DENND6A: variants seen among roughly 807,000 people sequenced by gnomAD.
DENND6A encodes protein DENND6A.
DENND6A carries 43 observed loss-of-function variants against 95.5 expected under a neutral mutation model. The observed-to-expected ratio is 0.45, with a 90% CI of 0.35 to 0.58. DENND6A has a LOEUF of 0.58. Among genes scored for constraint, DENND6A ranks in the 20% least tolerant of loss-of-function variants. The pLI is 0.00. For missense variants in DENND6A, 574 were observed against 736.0 expected, an observed-to-expected ratio of 0.78 and a Z score of 2.55; for synonymous variants, 257 against 260.4, an observed-to-expected ratio of 0.99 and a Z score of 0.13.
rs761611565 is a variant in DENND6A, at chr3:57,626,265, G to C, written c.*1949C>G. 2 of 152,568 alleles carry C rather than the reference G, an allele frequency of 1.3e-5. No individual in the cohort carries two copies. The highest frequency in any genetic ancestry group is 2.4e-5 in the African/African-American group (1 of 41,428). The allele number at this position is 152,568 out of a possible 1,614,324, so 9.5% of individuals were successfully genotyped here. A position where few individuals can be genotyped will look rare whatever the true frequency, so the allele number is the denominator to read the frequency against. On this transcript the variant is annotated 3_prime_UTR_variant, in exon 20 of 20. Coordinates refer to ENST00000311128, the MANE Select transcript of DENND6A (RefSeq NM_152678.3). ...AACGCAAGGAGTCTTTCTTGGGTCA[G>C]GAATGCCCTTAAGAGTTATATCGAC...
chr3:57,685,006 C>G (rs2077199606), intron 1 of DENND6A, among the ~76,000 whole-genome samples: 1 of 152,074 alleles, frequency 6.6e-6, no homozygotes, highest in Admixed American at 6.6e-5. Flanking sequence ...CTCCGCCTCC[C>G]TGGTTCAAGT....
intron 1 of DENND6A, among the ~76,000 whole-genome samples, chr3:57,673,213 C>CAAAAAAAAAAAAAAAAAAAAAA (rs386396751): frequency 2.8e-5 from 2 of 70,706 alleles, no homozygotes; most frequent in African/African-American, 7.0e-5. Flanking sequence ...CATTTCGTAT[C>CAAAAAAAAAAAAAAAAAAAAAA]AAAAAAAAAA....
At chr3:57,652,342 A>C (rs2071227264) in intron 9 of DENND6A, among the ~76,000 whole-genome samples, 2 of 152,324 alleles carry the variant, frequency 1.3e-5, no homozygotes, top group South Asian at 4.1e-4. Flanking sequence ...ACCTCCTAAC[A>C]ACAGCCACAG....
chr3:57,632,755 A>G (rs890002156), intron 15 of DENND6A, among the ~76,000 whole-genome samples: 2 of 152,076 alleles, frequency 1.3e-5, no homozygotes, highest in Admixed American at 6.6e-5. Context: ...CAATAACCAC[A>G]TTGTCTAGTC....
At chr3:57,641,817 G>C in intron 11 of DENND6A, 70 bp from the exon 12 acceptor site, 1 of 1,340,126 alleles carries the variant, frequency 7.5e-7, no homozygotes, top group East Asian at 2.4e-5. Flanking sequence ...GTGAAGAATA[G>C]TTTACTTTTT....
chr3:57,634,599 A>G lies in DENND6A; in HGVS notation c.1222T>C (p.Tyr408His). The G allele has an allele frequency of 1.4e-6, 2 of 1,466,040 alleles. No homozygotes were observed. Among genetic ancestry groups the G allele is most frequent in the Non-Finnish European group, 1.8e-6 (2 of 1,093,266 alleles). The allele number at this position is 1,466,040 out of a possible 1,614,324, so 90.8% of individuals were successfully genotyped here. Residue 408 changes from tyrosine to histidine, a missense_variant, in exon 14 of 20, where the codon TAT becomes CAT. Transcript: ENST00000311128. ...ATGATCTCTTCATCTCTATTTAAAT[A>G]TGGCTTATATGAAGTATAAACTCCT... is the stretch of plus-strand genomic sequence containing the variant. ...KPGVYTSYKP[Y>H]LNRDEEIIKQ...
intron 18 of DENND6A, 73 bp from the exon 19 acceptor site, chr3:57,628,958 G>C (rs890678111): frequency 7.4e-7 from 1 of 1,352,018 alleles, no homozygotes; most frequent in Non-Finnish European, 1.0e-6. Context: ...AATAGGTAAG[G>C]CTACTGTGAA....
intron 3 of DENND6A, among the ~76,000 whole-genome samples, chr3:57,669,817 T>C (rs911538148): frequency 4.8e-5 from 7 of 147,070 alleles, no homozygotes; most frequent in Non-Finnish European, 7.5e-5. Flanking sequence ...AGGTCGGGAG[T>C]TCATGACCAG....
chr3:57,662,599 AT>A (rs1197379361), intron 5 of DENND6A, among the ~76,000 whole-genome samples: 7 of 152,130 alleles, frequency 4.6e-5, no homozygotes, highest in Non-Finnish European at 7.4e-5. Flanking sequence ...CTTAAAAAAA[AT>A]ATAATAGTTC....
chr3:57,634,751 A>G lies in DENND6A; in HGVS notation c.1151T>C (p.Val384Ala). The stretch of plus-strand genomic sequence containing the variant: ...TAGATTCTTCAGTTTTTTCACTTTA[A>G]CCTGCTTAGGAATTTCACCTGAAGG... ...LKPTGEIPKQ[V>A]KVKKLKNLKT... Residue 384 changes from valine (V) to alanine (A), a missense_variant, in exon 13 of 20, where the codon GTT becomes GCT. Val to Ala is a moderately conservative substitution (Grantham distance 64). Coordinates refer to ENST00000311128, the MANE Select transcript of DENND6A (RefSeq NM_152678.3). The G allele has an allele frequency of 6.4e-7, 1 of 1,570,272 alleles. No individual in the cohort carries two copies. The highest frequency in any genetic ancestry group is 8.6e-7 in the Non-Finnish European group (1 of 1,158,720).
intron 1 of DENND6A, among the ~76,000 whole-genome samples, chr3:57,676,345 C>T (rs553135873): frequency 1.6e-3 from 232 of 142,692 alleles, no homozygotes; most frequent in African/African-American, 5.5e-3. Flanking sequence ...ACACCACTGC[C>T]CTTCAGCCTG....
At position 57,693,051 on chromosome 3, in the gene DENND6A, C is replaced by A; in HGVS notation, c.-33G>T. 1 of 1,363,186 alleles carries A rather than the reference C, an allele frequency of 7.3e-7. No homozygotes were observed. The highest frequency in any genetic ancestry group is 1.7e-5 in the South Asian group (1 of 58,044). 84.4% of individuals were successfully genotyped at this position (1,363,186 alleles called of 1,614,324 possible). On this transcript the variant is annotated 5_prime_UTR_variant, in exon 1 of 20. Transcript: ENST00000311128. ...CCCCTGACCGTTCGCGCCGCCTCCA[C>A]AGCGGACCGCGCCGCAGAGCGCGCT...
At chr3:57,685,538 T>G (rs1410265838) in intron 1 of DENND6A, among the ~76,000 whole-genome samples, 2 of 152,126 alleles carry the variant, frequency 1.3e-5, no homozygotes, top group Admixed American at 1.3e-4. Context: ...AAAAGCATCA[T>G]GTCAGTACTC....
At chr3:57,645,818 C>T in intron 10 of DENND6A, 62 bp from the exon 11 acceptor site, 1 of 1,226,514 alleles carries the variant, frequency 8.2e-7, no homozygotes, top group Admixed American at 1.9e-5. Context: ...TAATCTATAA[C>T]TAGAAAACAT....
At chr3:57,682,404 T>C (rs1231104648) in intron 1 of DENND6A, among the ~76,000 whole-genome samples, 2 of 152,012 alleles carry the variant, frequency 1.3e-5, no homozygotes, top group African/African-American at 4.8e-5. Flanking sequence ...TATTCATTAA[T>C]TCTAAAGATG....
At chr3:57,654,863 T>C (rs2071292866) in intron 9 of DENND6A, 18 of 867,754 alleles carry the variant, frequency 2.1e-5, no homozygotes, top group Non-Finnish European at 2.5e-5. Flanking sequence ...TGGATAAATA[T>C]GTAAACTTTC....
chr3:57,635,523 G>A (rs1007654205), intron 12 of DENND6A, among the ~76,000 whole-genome samples: 1 of 152,050 alleles, frequency 6.6e-6, no homozygotes, highest in African/African-American at 2.4e-5. Context: ...CTGCATAAGG[G>A]TTAAAAGAAC....
chr3:57,680,345 G>A (rs2077152141), intron 1 of DENND6A, among the ~76,000 whole-genome samples: 1 of 152,182 alleles, frequency 6.6e-6, no homozygotes, highest in African/African-American at 2.4e-5. Context: ...AAACCCCAAG[G>A]TGATAGCGGT....
At chr3:57,682,063 C>T (rs747725709) in intron 1 of DENND6A, among the ~76,000 whole-genome samples, 18 of 152,092 alleles carry the variant, frequency 1.2e-4, no homozygotes, top group Non-Finnish European at 2.4e-4. Flanking sequence ...TAGTCTCTCT[C>T]CCATTGAGCT....
Sources: allele counts gnomAD v4.1 joint callset (sites outside exome capture counted in the v4.1 genomes callset), GRCh38; gene constraint gnomAD v4.1.1; transcripts MANE v1.5; gene names NCBI Gene and HGNC (gene_info 2026-07-23, HGNC 2026-07-21).